LRRC4C: variants seen among roughly 807,000 people sequenced by gnomAD.
LRRC4C encodes leucine-rich repeat-containing protein 4C.
In LRRC4C, 5 loss-of-function variants were observed where a neutral mutation model predicts 33.6. That is an observed-to-expected ratio of 0.15 (90% CI 0.08 to 0.31). The LOEUF is 0.31. Ranked by LOEUF, LRRC4C falls within the 10% of genes least tolerant of loss-of-function variation. The pLI is 1.00. For missense variants in LRRC4C, 560 were observed against 796.7 expected, an observed-to-expected ratio of 0.70 and a Z score of 3.58; for synonymous variants, 329 against 302.0, an observed-to-expected ratio of 1.09 and a Z score of -0.93.
rs1480803032 is a variant in LRRC4C at position 40,441,520 on chromosome 11, C to T, written c.-269-121799G>A. 1.3e-5 allele frequency among the ~76,000 whole-genome samples: 2 copies of T among 152,224 alleles called. 1 individual carries two copies. Among genetic ancestry groups the T allele is most frequent in the Middle Eastern group, 6.8e-3 (2 of 294 alleles). ...TTAAGACAGGTTGATCTGGGTCTAC[C>T]ATTTGCAACTCAAAGAGCCTTGGCT... On this transcript the variant is annotated intron_variant, in intron 3 of 6. Coordinates refer to ENST00000528697, the MANE Select transcript of LRRC4C (RefSeq NM_001258419.2).
chr11:40,903,622 C>G (rs1592044797), intron 2 of LRRC4C, among the ~76,000 whole-genome samples: 2 of 152,064 alleles, frequency 1.3e-5, no homozygotes, highest in East Asian at 3.9e-4. Flanking sequence ...GTCAAACTAT[C>G]AACATTAATT....
chr11:41,387,271 G>A (rs937579937), intron 1 of LRRC4C, among the ~76,000 whole-genome samples: 27 of 151,646 alleles, frequency 1.8e-4, no homozygotes. Context: ...ACAAATGGAG[G>A]CAGGAAAGGC....
chr11:40,679,843 A>T (rs1944588672), intron 2 of LRRC4C, among the ~76,000 whole-genome samples: 4 of 152,190 alleles, frequency 2.6e-5, no homozygotes, highest in Non-Finnish European at 1.5e-5. Context: ...GATCCCCCAC[A>T]CATAATCCCT....
intron 2 of LRRC4C, among the ~76,000 whole-genome samples, chr11:40,693,055 T>A (rs1945301684): frequency 6.6e-6 from 1 of 152,026 alleles, no homozygotes; most frequent in Admixed American, 6.6e-5. Context: ...ATGAATATAA[T>A]CTCTGGGATA....
intron 1 of LRRC4C, among the ~76,000 whole-genome samples, chr11:41,050,224 C>T (rs1858101052): frequency 6.6e-6 from 1 of 152,124 alleles, no homozygotes; most frequent in Non-Finnish European, 1.5e-5. Context: ...CTTAACCTCT[C>T]TCATATTTAG....
At chr11:40,521,081 G>T (rs1955791575) in intron 3 of LRRC4C, among the ~76,000 whole-genome samples, 1 of 152,122 alleles carries the variant, frequency 6.6e-6, no homozygotes, top group Admixed American at 6.5e-5. Flanking sequence ...GCAACCATTT[G>T]TGAAATGTAG....
chr11:40,116,174 C>A lies in LRRC4C; in HGVS notation c.119G>T (p.Gly40Val). Residue 40 changes from glycine to valine, a missense_variant, in exon 7 of 7, where the codon GGT (glycine) becomes GTT (valine). Physicochemically the swap from Gly to Val is moderately radical, Grantham distance 109. This residue lies in a region of LRRC4C where 455 missense variants were observed against 643.8 expected (regional missense o/e 0.71). Coordinates refer to ENST00000528697, the MANE Select transcript of LRRC4C (RefSeq NM_001258419.2). Reference protein sequence around the residue: ...LLALQLLVVAGLVRAQTCPSV... With the variant: ...LLALQLLVVAVLVRAQTCPSV... ...AGGGCAGGTCTGAGCCCGCACCAGA[C>A]CAGCCACCACAAGAAGTTGAAGAGC... 2 of 1,613,868 alleles carry A rather than the reference C, an allele frequency of 1.2e-6. No homozygotes were observed. Among genetic ancestry groups the A allele is most frequent in the Non-Finnish European group, 8.5e-7 (1 of 1,179,940 alleles).
At chr11:41,200,687 C>G (rs186652572) in intron 1 of LRRC4C, among the ~76,000 whole-genome samples, 38 of 152,260 alleles carry the variant, frequency 2.5e-4, no homozygotes, top group African/African-American at 7.7e-4. Context: ...CTACCGTCAT[C>G]GAGTTTATCT....
At chr11:40,595,260 C>A (rs936441880) in intron 3 of LRRC4C, among the ~76,000 whole-genome samples, 2 of 150,848 alleles carry the variant, frequency 1.3e-5, no homozygotes, top group African/African-American at 4.9e-5. Flanking sequence ...AAAAAAAAAT[C>A]ATGATAAATA....
At chr11:40,514,151 G>T (rs113461849) in intron 3 of LRRC4C, among the ~76,000 whole-genome samples, 2 of 152,290 alleles carry the variant, frequency 1.3e-5, no homozygotes, top group African/African-American at 4.8e-5. Context: ...AAAGACCTGG[G>T]TTCAAACCCT....
intron 1 of LRRC4C, among the ~76,000 whole-genome samples, chr11:41,125,891 G>GTA (rs1178766590): frequency 2.6e-5 from 4 of 152,140 alleles, no homozygotes; most frequent in African/African-American, 9.7e-5. Flanking sequence ...AAATGAATTT[G>GTA]TATATATGGA....
intron 2 of LRRC4C, among the ~76,000 whole-genome samples, chr11:40,650,986 A>T (rs962699261): frequency 6.6e-6 from 1 of 152,174 alleles, no homozygotes; most frequent in African/African-American, 2.4e-5. Context: ...AAATACTTGT[A>T]AAATGTACCA....
intron 1 of LRRC4C, among the ~76,000 whole-genome samples, chr11:41,388,691 C>T (rs912346825): frequency 6.6e-6 from 1 of 151,718 alleles, no homozygotes; most frequent in Admixed American, 6.6e-5. Flanking sequence ...TGAGAGACAG[C>T]ATTAAGAAAC....
At position 41,155,138 on chromosome 11, in the gene LRRC4C, A is replaced by G. The variant is rs140249634; in HGVS notation, c.-495-221415T>C. On this transcript the variant is annotated intron_variant, in intron 1 of 6. Transcript: ENST00000528697. ...CTCTGAGCTTTACCTCTGGAGCAGC[A>G]CAAGTCCTGGAGATTTAGTTTCTAC... Among the ~76,000 whole-genome samples the G allele has an allele frequency of 6.2e-3, 944 of 152,246 alleles. 15 individuals are homozygous for G. The highest frequency in any genetic ancestry group is 0.022 in the African/African-American group (896 of 41,558).
chr11:40,176,137 G>T (rs1360802552), intron 5 of LRRC4C, among the ~76,000 whole-genome samples: 1 of 152,094 alleles, frequency 6.6e-6, no homozygotes, highest in Non-Finnish European at 1.5e-5. Context: ...AGGAGGATGG[G>T]GGTGATACAA....
At chr11:41,304,209 C>T (rs1403841762) in intron 1 of LRRC4C, among the ~76,000 whole-genome samples, 11 of 114,998 alleles carry the variant, frequency 9.6e-5, no homozygotes, top group Admixed American at 1.7e-4. Context: ...CCGCCCCGTC[C>T]GGGAGGGAGG....
At chr11:40,358,175 T>A (rs1288413016) in intron 3 of LRRC4C, among the ~76,000 whole-genome samples, 1 of 140,242 alleles carries the variant, frequency 7.1e-6, no homozygotes, top group East Asian at 2.4e-4. Context: ...AGAGAGAGAC[T>A]CTGTCTCAAA....
At chr11:40,552,297 A>G (rs1957155218) in intron 3 of LRRC4C, among the ~76,000 whole-genome samples, 1 of 152,198 alleles carries the variant, frequency 6.6e-6, no homozygotes, top group Admixed American at 6.5e-5. Context: ...GATGAAATAG[A>G]GAGGTTAAGG....
intron 3 of LRRC4C, among the ~76,000 whole-genome samples, chr11:40,543,981 C>T (rs997085291): frequency 6.6e-6 from 1 of 152,052 alleles, no homozygotes; most frequent in Admixed American, 6.6e-5. Context: ...GGAAACACTG[C>T]TCTCAGCATC....
Sources: allele counts gnomAD v4.1 joint callset (sites outside exome capture counted in the v4.1 genomes callset), GRCh38; gene constraint gnomAD v4.1.1; regional missense constraint gnomAD v4.1.1; transcripts MANE v1.5; gene names NCBI Gene and HGNC (gene_info 2026-07-23, HGNC 2026-07-21).